KANSL1: variants seen among roughly 807,000 people sequenced by gnomAD.
The protein encoded by KANSL1 is MLL1/MLL complex subunit KANSL1.
A neutral mutation model predicts 103.6 loss-of-function variants in KANSL1; 22 were observed. The ratio of observed to expected loss-of-function variants is 0.21; its 90% confidence interval spans 0.15 to 0.30. The LOEUF is 0.30. Ranked by LOEUF, KANSL1 falls within the 10% of genes least tolerant of loss-of-function variation. KANSL1 has a pLI of 1.00. For missense variants in KANSL1, 1,337 were observed against 1,399.8 expected (o/e 0.96, Z 0.72); for synonymous variants, 600 against 527.6 (o/e 1.14, Z -1.88).
rs927716249 is a variant in KANSL1 at position 46,211,394 on chromosome 17, A to C, written c.-90+12277T>G. On this transcript the variant is annotated intron_variant, in intron 1 of 14. Transcript: ENST00000572904. ...AGTAACAATAGCTGATGAGCTAAAA[A>C]AGAAAATCTTAAAAAAAATCTCATA... is the stretch of plus-strand genomic sequence containing the variant. Among the ~76,000 whole-genome samples, 21 of 152,352 alleles carry C rather than the reference A, an allele frequency of 1.4e-4. No homozygotes were observed. In the East Asian group the frequency reaches 3.9e-3, roughly 28 times the overall value.
chr17:46,156,679 G>A (rs922379728), intron 2 of KANSL1: 1 of 152,272 alleles, frequency 6.6e-6, no homozygotes, highest in Non-Finnish European at 1.5e-5. Context: ...CGGGCTCAAG[G>A]GATCCTCCCA....
At chr17:46,189,082 A>T (rs1432070395) in intron 1 of KANSL1, among the ~76,000 whole-genome samples, 1 of 143,604 alleles carries the variant, frequency 7.0e-6, no homozygotes, top group Admixed American at 6.9e-5. Context: ...GCAAGGTTAT[A>T]TGCTCCCGTT....
chr17:46,161,960 A>C (rs1326009403), intron 2 of KANSL1, among the ~76,000 whole-genome samples: 1 of 152,246 alleles, frequency 6.6e-6, no homozygotes, highest in Non-Finnish European at 1.5e-5. Context: ...AATAATTTCA[A>C]AGCAATTTTG....
At position 46,171,646 on chromosome 17, in the gene KANSL1, T is replaced by C. The variant is rs141491325; in HGVS notation, c.498A>G (p.Thr166=). ...GLAKKLTKSS[T]HSDHDNSTSL... ...AAGTGGAATTGTCATGATCAGAATG[T>C]GTTGAACTTTTAGTCAATTTCTTAG... Residue 166 remains threonine, a synonymous_variant, in exon 2 of 15, where the codon ACA becomes ACG. Transcript: ENST00000432791. The C allele has an allele frequency of 6.4e-7, 1 of 1,557,046 alleles. No homozygotes were observed. Among genetic ancestry groups the C allele is most frequent in the East Asian group, 2.3e-5 (1 of 44,442 alleles).
chr17:46,136,092 C>G (rs1209958295), intron 2 of KANSL1, among the ~76,000 whole-genome samples: 1 of 152,114 alleles, frequency 6.6e-6, no homozygotes, highest in Non-Finnish European at 1.5e-5. Context: ...CTAGGCTGAA[C>G]AGCTGTTAAC....
chr17:46,126,651 G>C lies in KANSL1; in HGVS notation c.1290-31950C>G, dbSNP rs186102345. Among the ~76,000 whole-genome samples, 4 of 152,244 alleles carry C rather than the reference G, an allele frequency of 2.6e-5. No homozygotes were observed. The East Asian group carries it at 7.7e-4, about 29-fold the overall frequency. On this transcript the variant is annotated intron_variant, in intron 2 of 14. Transcript: ENST00000432791. ...TCTATTTCCCCAACTTCATTATTAA[G>C]TGAGTTTTAGGCCTAGGTCTTCCAG...
intron 7 of KANSL1, among the ~76,000 whole-genome samples, chr17:46,046,512 CAGA>C (rs1245488630): frequency 9.3e-6 from 1 of 108,064 alleles, no homozygotes; most frequent in African/African-American, 3.7e-5. Context: ...GCCTGAGTGA[CAGA>C]GTGAGACTCT....
intron 7 of KANSL1, chr17:46,041,537 A>C (rs1202654853): frequency 2.0e-5 from 3 of 152,110 alleles, no homozygotes; most frequent in Non-Finnish European, 4.4e-5. Context: ...GTCCCTATCC[A>C]CTGCTTCAGA....
Position 46,066,873 on chromosome 17 carries a change from G to C in KANSL1, c.1653-141C>G, listed in dbSNP as rs553139985. On this transcript the variant is annotated intron_variant, in intron 5 of 14. Coordinates refer to ENST00000432791, the MANE Select transcript of KANSL1 (RefSeq NM_015443.4). Reference sequence around the variant, plus strand: ...TGTTCAGACACAAAGAAGCATTCTAGAGCAGAAGCAGGTCTCCTCTTGATG... The same window carrying C: ...TGTTCAGACACAAAGAAGCATTCTACAGCAGAAGCAGGTCTCCTCTTGATG... 6.2e-4 allele frequency: 393 copies of C among 634,418 alleles called. 1 individual carries two copies. The African/African-American group carries it at 6.5e-3, about 10-fold the overall frequency. 39.3% of individuals were successfully genotyped at this position (634,418 alleles called of 1,614,324 possible). A position where few individuals can be genotyped will look rare whatever the true frequency, so the allele number is the denominator to read the frequency against.
chr17:46,207,939 C>T (rs1384271658), intron 1 of KANSL1, among the ~76,000 whole-genome samples: 2 of 152,078 alleles, frequency 1.3e-5, no homozygotes, highest in African/African-American at 4.8e-5. Flanking sequence ...GGTGAAACCC[C>T]GTCTCTACTA....
intron 6 of KANSL1, among the ~76,000 whole-genome samples, chr17:46,054,190 T>A (rs566752854): frequency 6.6e-6 from 1 of 152,250 alleles, no homozygotes; most frequent in African/African-American, 2.4e-5. Flanking sequence ...GTAGCTGGGA[T>A]TGCAGGCATG....
rs1172655806 is a variant in KANSL1, at chr17:46,041,891, T to TGA, written c.2021-2008_2021-2007insTC. On this transcript the variant is annotated intron_variant, in intron 7 of 14. Coordinates refer to ENST00000432791, the MANE Select transcript of KANSL1 (RefSeq NM_015443.4). ...TAGAAATTTATTTTGTGTGTGTGTG[T>TGA]GTGTGTGTGTGTGTGTGTGTATATT... The TGA allele has an allele frequency of 5.4e-4, 76 of 140,350 alleles. 2 individuals are homozygous for TGA. Among genetic ancestry groups the TGA allele is most frequent in the African/African-American group, 2.0e-3 (74 of 37,172 alleles). The allele number at this position is 140,350 out of a possible 1,614,324, so 8.7% of individuals were successfully genotyped here.
chr17:46,168,904 T>TG (rs2046141258), intron 2 of KANSL1, among the ~76,000 whole-genome samples: 1 of 152,220 alleles, frequency 6.6e-6, no homozygotes, highest in Admixed American at 6.5e-5. Flanking sequence ...GCCTTAAGGT[T>TG]TTTCCAAGTC....
At chr17:46,155,843 G>A (rs1173771956) in intron 2 of KANSL1, among the ~76,000 whole-genome samples, 1 of 152,100 alleles carries the variant, frequency 6.6e-6, no homozygotes, top group Non-Finnish European at 1.5e-5. Context: ...TGACACAGGA[G>A]GATTACTTAA....
At chr17:46,040,556 A>T (rs2077280150) in intron 7 of KANSL1, 1 of 152,294 alleles carries the variant, frequency 6.6e-6, no homozygotes, top group South Asian at 2.1e-4. Context: ...GATTTAAACC[A>T]TTTTCCTCTC....
At chr17:46,191,315 T>TA (rs151273034) in intron 1 of KANSL1, among the ~76,000 whole-genome samples, 7 of 152,186 alleles carry the variant, frequency 4.6e-5, no homozygotes, top group Admixed American at 6.5e-5. Flanking sequence ...GTTGATAGGT[T>TA]AAAAAAATAG....
At chr17:46,064,955 G>C (rs554908093) in intron 6 of KANSL1, among the ~76,000 whole-genome samples, 11 of 151,536 alleles carry the variant, frequency 7.3e-5, no homozygotes, top group Non-Finnish European at 1.3e-4. Flanking sequence ...ATATGTATAC[G>C]TGTGTTTTTT....
intron 3 of KANSL1, among the ~76,000 whole-genome samples, chr17:46,091,014 TGA>T (rs537615959): frequency 1.1e-3 from 164 of 152,350 alleles, no homozygotes; most frequent in African/African-American, 3.8e-3. Flanking sequence ...TTAAAAGAAG[TGA>T]ACTGTGAAAC....
intron 7 of KANSL1, 158 bp from the exon 8 acceptor site, chr17:46,040,042 G>T: frequency 1.8e-6 from 1 of 570,114 alleles, no homozygotes; most frequent in Non-Finnish European, 3.0e-6. Context: ...CATTACTGAA[G>T]GTCATTCTTC....
Sources: allele counts gnomAD v4.1 joint callset (sites outside exome capture counted in the v4.1 genomes callset), GRCh38; gene constraint gnomAD v4.1.1; transcripts MANE v1.5; gene names NCBI Gene and HGNC (gene_info 2026-07-23, HGNC 2026-07-21).